The following PRKAG2 variants were observed in gnomAD, a reference collection of about 807,000 sequenced individuals.
PRKAG2 encodes the protein protein kinase AMP-activated non-catalytic subunit gamma 2.
PRKAG2 carries 26 observed loss-of-function variants against 69.6 expected under a neutral mutation model. The ratio of observed to expected loss-of-function variants is 0.37; its 90% CI spans 0.27 to 0.52. The LOEUF is 0.52. PRKAG2 is among the 20% of genes least tolerant of loss of function. The pLI, the probability that PRKAG2 is intolerant of heterozygous loss-of-function variation, is 0.90. For synonymous variants in PRKAG2, 293 were observed against 285.0 expected (o/e 1.03, Z -0.28); for missense variants, 557 against 740.0 (o/e 0.75, Z 2.87).
intron 2 of PRKAG2, among the ~76,000 whole-genome samples, chr7:151,784,657 C>T (rs1048320994): frequency 1.3e-5 from 2 of 152,164 alleles, no homozygotes; most frequent in African/African-American, 2.4e-5. Flanking sequence ...GGAAGTTGAG[C>T]CATGAGCCCC....
chr7:151,565,184 G>C (rs915150288), intron 13 of PRKAG2, among the ~76,000 whole-genome samples, 162 bp downstream of exon 13: 1 of 152,052 alleles, frequency 6.6e-6, no homozygotes, highest in Admixed American at 6.5e-5. Context: ...CAGATTAAAA[G>C]TACAATTACT....
intron 1 of PRKAG2, among the ~76,000 whole-genome samples, chr7:151,827,745 T>TTAAAAAA (rs1367495239): frequency 5.7e-5 from 3 of 52,248 alleles, no homozygotes; most frequent in South Asian, 1.1e-3. Flanking sequence ...TGGCCTTAGG[T>TTAAAAAA]AAAAAAAAAA....
rs1209729798 is a variant in PRKAG2, at chr7:151,653,613, G to A, written c.685-21475C>T. On this transcript the variant is annotated intron_variant, in intron 4 of 15. Coordinates refer to ENST00000287878, the MANE Select transcript of PRKAG2 (RefSeq NM_016203.4). Reference sequence around the variant, plus strand: ...TTCCAGCACTTTGTGAGTCTGAGGCGGGCCGATCACCTGAGGTTAGGGGTT... The same window carrying A: ...TTCCAGCACTTTGTGAGTCTGAGGCAGGCCGATCACCTGAGGTTAGGGGTT... Among the ~76,000 whole-genome samples, 3 of 152,158 alleles carry A rather than the reference G, an allele frequency of 2.0e-5. No homozygotes were observed. The East Asian group carries it at 5.8e-4, about 29-fold the overall frequency.
chr7:151,800,863 G>A (rs1033561912), intron 1 of PRKAG2, among the ~76,000 whole-genome samples: 2 of 152,188 alleles, frequency 1.3e-5, no homozygotes, highest in Non-Finnish European at 2.9e-5. Flanking sequence ...GGTATCAACA[G>A]AAGCTCAATG....
intron 3 of PRKAG2, among the ~76,000 whole-genome samples, chr7:151,761,160 G>A (rs778989554): frequency 3.5e-4 from 54 of 152,138 alleles, no homozygotes; most frequent in Admixed American, 6.5e-5. Context: ...GCTAATTTTG[G>A]GAGAAATTTA....
intron 1 of PRKAG2, among the ~76,000 whole-genome samples, chr7:151,796,191 C>T (rs2077526703): frequency 6.6e-6 from 1 of 151,962 alleles, no homozygotes; most frequent in Non-Finnish European, 1.5e-5. Context: ...AAGCAGGCCG[C>T]TGTTTGGAAG....
chr7:151,802,081 G>GTGTC (rs1317070147), intron 1 of PRKAG2, among the ~76,000 whole-genome samples: 1 of 152,166 alleles, frequency 6.6e-6, no homozygotes, highest in African/African-American at 2.4e-5. Context: ...GCCTCTGCGT[G>GTGTC]TGTCACCTAC....
intron 1 of PRKAG2, among the ~76,000 whole-genome samples, chr7:151,804,608 G>A (rs1312883209): frequency 6.6e-6 from 1 of 152,328 alleles, no homozygotes; most frequent in East Asian, 1.9e-4. Flanking sequence ...TAACTATGAT[G>A]TAGGAGAGTC....
chr7:151,714,232 T>C (rs1383159057), intron 3 of PRKAG2, among the ~76,000 whole-genome samples: 10 of 152,160 alleles, frequency 6.6e-5, no homozygotes, highest in Admixed American at 6.5e-4. Context: ...TCCTATGCAG[T>C]TACTCACCGG....
intron 1 of PRKAG2, among the ~76,000 whole-genome samples, chr7:151,826,402 C>T (rs188469287): frequency 6.6e-6 from 1 of 152,160 alleles, no homozygotes; most frequent in Non-Finnish European, 1.5e-5. Flanking sequence ...AGGCTGGTCT[C>T]GAACTCCTGA....
intron 1 of PRKAG2, among the ~76,000 whole-genome samples, chr7:151,863,234 AGGTACAGGGGGCACTGGTAAGTCCCCG>A (rs2079981019): frequency 6.8e-6 from 1 of 146,492 alleles, no homozygotes; most frequent in South Asian, 2.2e-4. Flanking sequence ...GTAAATCCCC[AGGTACAGGGGGCACTGGTAAGTCCCCG>A]GGTACAGGGA....
intron 1 of PRKAG2, among the ~76,000 whole-genome samples, chr7:151,820,970 C>A (rs898472438): frequency 1.4e-5 from 1 of 74,002 alleles, no homozygotes; most frequent in African/African-American, 5.3e-5. Context: ...CAGGTACCTG[C>A]CTCATGCTGC....
At chr7:151,833,596 C>T (rs570932349) in intron 1 of PRKAG2, among the ~76,000 whole-genome samples, 5 of 152,312 alleles carry the variant, frequency 3.3e-5, no homozygotes, top group African/African-American at 1.2e-4. Flanking sequence ...ATGGACGCTC[C>T]AGAAACCCAT....
At chr7:151,863,872 C>T (rs925802428) in intron 1 of PRKAG2, among the ~76,000 whole-genome samples, 1 of 150,374 alleles carries the variant, frequency 6.7e-6, no homozygotes, top group Non-Finnish European at 1.5e-5. Flanking sequence ...CCACCGCACT[C>T]CAGCCTGGAC....
chr7:151,678,684 T>G (rs150407546), intron 3 of PRKAG2, among the ~76,000 whole-genome samples: 1 of 152,170 alleles, frequency 6.6e-6, no homozygotes, highest in Non-Finnish European at 1.5e-5. Flanking sequence ...AGAGGCCAGG[T>G]GCAGTGGCTC....
intron 5 of PRKAG2, among the ~76,000 whole-genome samples, chr7:151,623,806 G>C (rs1822138206): frequency 6.6e-6 from 1 of 151,870 alleles, no homozygotes; most frequent in South Asian, 2.1e-4. Context: ...AAAAAAAGGG[G>C]GGTTACATCG....
intron 1 of PRKAG2, among the ~76,000 whole-genome samples, chr7:151,860,698 A>T (rs2079897033): frequency 6.6e-6 from 1 of 152,070 alleles, no homozygotes; most frequent in Non-Finnish European, 1.5e-5. Flanking sequence ...TTAGACAGCA[A>T]ATGCCCCAAG....
intron 1 of PRKAG2, among the ~76,000 whole-genome samples, chr7:151,855,753 G>A (rs886506017): frequency 7.2e-5 from 11 of 152,106 alleles, no homozygotes; most frequent in Non-Finnish European, 1.3e-4. Flanking sequence ...AGGCAGAGGG[G>A]TGGGGGCGGC....
intron 1 of PRKAG2, among the ~76,000 whole-genome samples, chr7:151,795,845 T>TTA (rs1563689240): frequency 6.5e-5 from 4 of 61,284 alleles, no homozygotes; most frequent in Non-Finnish European, 8.8e-5. Flanking sequence ...CAAACAAATC[T>TTA]CATATATATA....
Sources: allele counts gnomAD v4.1 joint callset (sites outside exome capture counted in the v4.1 genomes callset), GRCh38; gene constraint gnomAD v4.1.1; transcripts MANE v1.5; gene names NCBI Gene and HGNC (gene_info 2026-07-23, HGNC 2026-07-21).